The following DDX10 variants were observed in gnomAD, a reference collection of about 807,000 sequenced individuals.
DDX10 encodes probable ATP-dependent RNA helicase DDX10.
A neutral mutation model predicts 104.3 loss-of-function variants in DDX10; 74 were observed. The observed-to-expected ratio is 0.71, with a 90% CI of 0.59 to 0.86. The LOEUF (loss-of-function observed/expected upper bound fraction) is 0.86, where lower values mean the gene tolerates loss of function less well. DDX10 is among the 40% of genes least tolerant of loss of function. The pLI is 0.00. For synonymous variants in DDX10, 351 were observed against 353.4 expected (o/e 0.99, Z 0.08); for missense variants, 952 against 1,040.0 (o/e 0.92, Z 1.16).
chr11:108,706,966 G>A (rs903102178), intron 10 of DDX10, 129 bp downstream of exon 10: 1 of 717,914 alleles, frequency 1.4e-6, no homozygotes, highest in Non-Finnish European at 2.4e-6. Context: ...TTATAAAAAG[G>A]CTCTTTTTAG....
intron 16 of DDX10, among the ~76,000 whole-genome samples, chr11:108,904,003 A>G (rs1863555000): frequency 6.6e-6 from 1 of 152,184 alleles, no homozygotes; most frequent in Non-Finnish European, 1.5e-5. Flanking sequence ...CCTATTTTCC[A>G]AAGCAAACTG....
chr11:108,851,015 C>A lies in DDX10; in HGVS notation c.2248-1138C>A, dbSNP rs113707631. On this transcript the variant is annotated intron_variant, in intron 15 of 17. Transcript: ENST00000322536. ...GATACTTAATAATTCTGAACTACTT[C>A]TGTTGGTAAGAAAATAACAGTAATG... Among the ~76,000 whole-genome samples the A allele has an allele frequency of 6.1e-3, 935 of 152,292 alleles. 5 individuals carry two copies. The highest frequency in any genetic ancestry group is 0.021 in the African/African-American group (868 of 41,572).
At chr11:108,825,179 C>G (rs1862379282) in intron 13 of DDX10, among the ~76,000 whole-genome samples, 1 of 151,834 alleles carries the variant, frequency 6.6e-6, no homozygotes, top group African/African-American at 2.4e-5. Flanking sequence ...AATTAAGAAA[C>G]TTATGTTAAT....
At chr11:108,826,111 T>TTTTAATTA (rs1232863992) in intron 13 of DDX10, among the ~76,000 whole-genome samples, 1 of 152,058 alleles carries the variant, frequency 6.6e-6, no homozygotes, top group East Asian at 1.9e-4. Context: ...TTTAAAAAGG[T>TTTTAATTA]TTTTTGATGC....
At chr11:108,718,172 A>C (rs1322912536) in intron 11 of DDX10, among the ~76,000 whole-genome samples, 1 of 152,138 alleles carries the variant, frequency 6.6e-6, no homozygotes, top group African/African-American at 2.4e-5. Context: ...TCAAAAAAAA[A>C]AAAAAATTGT....
chr11:108,807,054 G>A (rs1055028837), intron 13 of DDX10, among the ~76,000 whole-genome samples: 1 of 152,202 alleles, frequency 6.6e-6, no homozygotes, highest in Non-Finnish European at 1.5e-5. Context: ...GATGTCCTAG[G>A]TTAGGCAAGC....
chr11:108,790,469 C>T (rs1268149203), intron 13 of DDX10, among the ~76,000 whole-genome samples: 4 of 152,160 alleles, frequency 2.6e-5, no homozygotes. Flanking sequence ...GTAGCCAACT[C>T]TTTATCAAAA....
chr11:108,804,132 G>T (rs1862064431), intron 13 of DDX10, among the ~76,000 whole-genome samples: 1 of 152,104 alleles, frequency 6.6e-6, no homozygotes, highest in Admixed American at 6.5e-5. Flanking sequence ...TTGTACATCA[G>T]TCCAACAAAG....
rs142381520 is a variant in DDX10, at chr11:108,837,607, CTTTTTTTTTTTTTTTT to C, written c.1966-819_1966-804del. ...TTCTGCATCTCACCTTTGGATACAGCTTTTTTTTTTTTTTTTTTTTTTTTTTTTTTTTTTTAGGCAA... is the reference window on the plus strand; with the variant it reads ...TTCTGCATCTCACCTTTGGATACAGCTTTTTTTTTTTTTTTTTTTAGGCAA... On this transcript the variant is annotated intron_variant, in intron 13 of 17. Coordinates refer to ENST00000322536, the MANE Select transcript of DDX10 (RefSeq NM_004398.4). Among the ~76,000 whole-genome samples the C allele has an allele frequency of 1.5e-3, 53 of 34,752 alleles. 2 individuals are homozygous for C. Among genetic ancestry groups the C allele is most frequent in the East Asian group, 0.01 (9 of 884 alleles). The allele number at this position is 34,752 out of a possible 152,430, so 22.8% of individuals were successfully genotyped here.
chr11:108,784,753 C>G (rs1413236280), intron 13 of DDX10, among the ~76,000 whole-genome samples: 6 of 152,058 alleles, frequency 3.9e-5, no homozygotes, highest in Admixed American at 1.3e-4. Context: ...GACTTAGCCA[C>G]AAATTATTTG....
At chr11:108,929,473 T>C (rs928425894) in intron 17 of DDX10, 1 of 152,276 alleles carries the variant, frequency 6.6e-6, no homozygotes, top group Admixed American at 6.5e-5. Flanking sequence ...TGTACAATTC[T>C]GTGTATTCCT....
At chr11:108,794,806 C>A (rs1861916956) in intron 13 of DDX10, among the ~76,000 whole-genome samples, 1 of 151,832 alleles carries the variant, frequency 6.6e-6, no homozygotes, top group Non-Finnish European at 1.5e-5. Flanking sequence ...AAACCTGTTC[C>A]CCTATAGTTT....
At chr11:108,766,940 A>T (rs1184358621) in intron 13 of DDX10, among the ~76,000 whole-genome samples, 2 of 152,156 alleles carry the variant, frequency 1.3e-5, no homozygotes, top group Non-Finnish European at 2.9e-5. Flanking sequence ...AAGTATGGAA[A>T]ACTTAATTAT....
intron 10 of DDX10, among the ~76,000 whole-genome samples, chr11:108,711,954 A>G (rs1202594105): frequency 6.6e-6 from 1 of 152,170 alleles, no homozygotes; most frequent in Non-Finnish European, 1.5e-5. Flanking sequence ...TTGCAATTCT[A>G]TCAGTATTTG....
At chr11:108,811,522 A>G (rs968619347) in intron 13 of DDX10, among the ~76,000 whole-genome samples, 49 of 152,292 alleles carry the variant, frequency 3.2e-4, no homozygotes, top group African/African-American at 1.0e-3. Flanking sequence ...AAAGTTATTC[A>G]CCATCCTCTG....
At chr11:108,862,151 G>A (rs1009876550) in intron 16 of DDX10, among the ~76,000 whole-genome samples, 2 of 151,976 alleles carry the variant, frequency 1.3e-5, no homozygotes, top group African/African-American at 4.8e-5. Context: ...CCTGAGTAGC[G>A]AGGACTACGA....
chr11:108,927,004 C>T (rs866645914), intron 17 of DDX10, among the ~76,000 whole-genome samples: 3 of 152,182 alleles, frequency 2.0e-5, no homozygotes, highest in Non-Finnish European at 4.4e-5. Context: ...TAGCTTTCCA[C>T]AGCCAGTTTA....
At chr11:108,860,455 C>T (rs185048351) in intron 16 of DDX10, 78 of 152,208 alleles carry the variant, frequency 5.1e-4, no homozygotes, top group African/African-American at 1.7e-3. Flanking sequence ...AACAGCCATA[C>T]TCCTAACACT....
intron 13 of DDX10, among the ~76,000 whole-genome samples, chr11:108,795,697 T>C (rs1020707977): frequency 1.3e-5 from 2 of 152,110 alleles, no homozygotes; most frequent in Non-Finnish European, 2.9e-5. Context: ...CTGCATAGTA[T>C]TCCATGGTGT....
Sources: gnomAD v4.1 joint callset for allele counts (sites outside exome capture counted in the v4.1 genomes callset) on GRCh38, gnomAD v4.1.1 for gene constraint, MANE v1.5 for transcripts, NCBI Gene and HGNC (gene_info 2026-07-23, HGNC 2026-07-21) for gene names.